Variants in DMXL1 observed in about 807,000 individuals in gnomAD.
DMXL1 encodes dmX-like protein 1.
Under a neutral mutation model 319.2 loss-of-function variants are expected in DMXL1, and 99 were observed. The ratio of observed to expected loss-of-function variants is 0.31; its 90% CI spans 0.26 to 0.37. DMXL1 has a LOEUF of 0.37. Among genes scored for constraint, DMXL1 ranks in the 10% least tolerant of loss-of-function variants. DMXL1 has a pLI of 1.00. For synonymous variants in DMXL1, 1,385 were observed against 1,235.2 expected (o/e 1.12, Z -2.54); for missense variants, 3,745 against 3,595.6 (o/e 1.04, Z -1.06).
intron 13 of DMXL1, among the ~76,000 whole-genome samples, chr5:119,140,183 C>G (rs1423975876): frequency 6.6e-6 from 1 of 152,006 alleles, no homozygotes; most frequent in Non-Finnish European, 1.5e-5. Context: ...AGATCTCAAA[C>G]TAATAACCTA....
chr5:119,167,932 T>G, intron 23 of DMXL1, 68 bp downstream of exon 23: 1 of 1,453,302 alleles, frequency 6.9e-7, no homozygotes, highest in Non-Finnish European at 9.3e-7. Flanking sequence ...TGCAGATCAC[T>G]CTATTAGGTG....
At chr5:119,141,968 A>T (rs941325924) in intron 13 of DMXL1, among the ~76,000 whole-genome samples, 2 of 152,196 alleles carry the variant, frequency 1.3e-5, no homozygotes, top group African/African-American at 4.8e-5. Flanking sequence ...CCACACACCT[A>T]CAACTGTCTG....
At chr5:119,146,486 C>G (rs1377914631) in intron 15 of DMXL1, among the ~76,000 whole-genome samples, 1 of 151,878 alleles carries the variant, frequency 6.6e-6, no homozygotes, top group Non-Finnish European at 1.5e-5. Context: ...ATGTTTGGCA[C>G]CACCATTTCA....
intron 10 of DMXL1, among the ~76,000 whole-genome samples, chr5:119,129,864 A>G (rs1293473787): frequency 3.3e-5 from 5 of 152,222 alleles, no homozygotes; most frequent in African/African-American, 7.2e-5. Context: ...TTCAGTTGGT[A>G]TAGAGAGAGA....
In DMXL1 at chr5:119,116,233, G is replaced by C. The variant is rs760544590; in HGVS notation, c.640G>C (p.Glu214Gln). 37 of 1,613,844 alleles carry C rather than the reference G, an allele frequency of 2.3e-5. No individual in the cohort carries two copies. The highest frequency in any genetic ancestry group is 3.1e-5 in the Non-Finnish European group (36 of 1,179,974). ...TAVTSPDGSSEKQSQGEIDFS... is the reference protein window; with the variant it reads ...TAVTSPDGSSQKQSQGEIDFS... ...TGTTACTTCTCCAGATGGAAGTTCA[G>C]AAAAACAATCCCAAGGAGAAATTGA... The change falls in exon 7 of 44, where the codon GAA (glutamate) becomes CAA (glutamine). Residue 214 changes from glutamate to glutamine, a missense_variant. By Grantham distance (29) the Glu-to-Gln change is conservative (BLOSUM62 2). This residue lies in a region of DMXL1 where 2,096 missense variants were observed against 1,985.4 expected (regional missense o/e 1.06). Coordinates refer to ENST00000539542, the MANE Select transcript of DMXL1 (RefSeq NM_001290321.3).
At chr5:119,230,114 A>G (rs188280234) in intron 38 of DMXL1, among the ~76,000 whole-genome samples, 224 of 152,330 alleles carry the variant, frequency 1.5e-3, no homozygotes, top group Middle Eastern at 3.4e-3. Flanking sequence ...ACACCAGACA[A>G]GGCCAGCCAT....
chr5:119,223,926 T>C (rs967760046), intron 37 of DMXL1, among the ~76,000 whole-genome samples: 2 of 152,164 alleles, frequency 1.3e-5, no homozygotes, highest in Non-Finnish European at 2.9e-5. Flanking sequence ...AAATATTTTC[T>C]TTATCCTTTC....
Position 119,149,030 on chromosome 5 carries a change from G to A in DMXL1, c.3203G>A (p.Ser1068Asn). 6.2e-7 allele frequency: 1 copy of A among 1,613,900 alleles called. No homozygotes were observed. The highest frequency in any genetic ancestry group is 8.5e-7 in the Non-Finnish European group (1 of 1,179,874). Reference protein sequence around the residue: ...AVAYKQPASNSRSSQDFVMHV... With the variant: ...AVAYKQPASNNRSSQDFVMHV... ...GCTTATAAGCAGCCTGCATCTAATAGTAGATCTTCCCAGGACTTTGTGATG... is the reference window on the plus strand; with the variant it reads ...GCTTATAAGCAGCCTGCATCTAATAATAGATCTTCCCAGGACTTTGTGATG... The change falls in exon 18 of 44, where the codon AGT (serine) becomes AAT (asparagine). Residue 1068 changes from serine to asparagine, a missense_variant. Physicochemically the swap from Ser to Asn is conservative, Grantham distance 46. Around this residue, in one of 4 missense-constraint regions of DMXL1, gnomAD observed 2,096 missense variants for 1,985.4 expected, o/e 1.06. Coordinates refer to ENST00000539542, the MANE Select transcript of DMXL1 (RefSeq NM_001290321.3).
At position 119,095,055 on chromosome 5, in the gene DMXL1, A is replaced by G. The variant is rs149804952; in HGVS notation, c.88-2924A>G. On this transcript the variant is annotated intron_variant, in intron 1 of 43. Coordinates refer to ENST00000539542, the MANE Select transcript of DMXL1 (RefSeq NM_001290321.3). ...TGTTTTCTGTAGAGCTGGTTTTGCCATGTTGCCCAAGCTAGTCTTTAACTC... is the reference window on the plus strand; with the variant it reads ...TGTTTTCTGTAGAGCTGGTTTTGCCGTGTTGCCCAAGCTAGTCTTTAACTC... 7.7e-3 allele frequency among the ~76,000 whole-genome samples: 1,172 copies of G among 152,088 alleles called. 3 individuals are homozygous for G. The highest frequency in any genetic ancestry group is 0.012 in the Non-Finnish European group (848 of 67,978).
intron 5 of DMXL1, 34 bp downstream of exon 5, chr5:119,110,317 C>T: frequency 6.7e-7 from 1 of 1,492,134 alleles, no homozygotes; most frequent in Non-Finnish European, 8.9e-7. Flanking sequence ...AACTGATAAA[C>T]CTGTTGTTCT....
intron 7 of DMXL1, among the ~76,000 whole-genome samples, chr5:119,118,330 T>C (rs1268046365): frequency 2.0e-5 from 3 of 152,228 alleles, no homozygotes; most frequent in Admixed American, 1.3e-4. Context: ...GCATATGATA[T>C]AATTCAAAGA....
rs1461206233 is a variant in DMXL1, at chr5:119,148,903, T to C, written c.3076T>C (p.Trp1026Arg). The C allele has an allele frequency of 2.5e-6, 4 of 1,613,738 alleles. No individual in the cohort carries two copies. Among genetic ancestry groups the C allele is most frequent in the African/African-American group, 1.3e-5 (1 of 74,904 alleles). ...TGATCTTGCATACATTTGGGAAGAATGGCCATTACTTATTGAAGATGGACT... is the reference window on the plus strand; with the variant it reads ...TGATCTTGCATACATTTGGGAAGAACGGCCATTACTTATTGAAGATGGACT... ...KIDLAYIWEEWPLLIEDGLQS... is the reference protein window; with the variant it reads ...KIDLAYIWEERPLLIEDGLQS... Residue 1026 changes from tryptophan to arginine, a missense_variant, in exon 18 of 44, where the codon TGG (tryptophan) becomes CGG (arginine). Transcript: ENST00000539542.
chr5:119,149,953 A>G lies in DMXL1; in HGVS notation c.4126A>G (p.Ile1376Val), dbSNP rs1769398465. 3.7e-6 allele frequency: 6 copies of G among 1,613,814 alleles called. No individual in the cohort carries two copies. Among genetic ancestry groups the G allele is most frequent in the East Asian group, 4.5e-5 (2 of 44,886 alleles). The change falls in exon 18 of 44, where the codon ATC becomes GTC. Residue 1376 changes from isoleucine (I) to valine (V), a missense_variant. Physicochemically the swap from Ile to Val is conservative, Grantham distance 29 (BLOSUM62 3). Transcript: ENST00000539542. Reference protein sequence around the residue: ...NHERRLRSLTISASGSTTRDP... With the variant: ...NHERRLRSLTVSASGSTTRDP... ...TGAACGCCGCCTTAGGTCTCTCACA[A>G]TCAGTGCTAGTGGAAGCACTACCAG... is the stretch of plus-strand genomic sequence containing the variant.
Position 119,233,491 on chromosome 5 carries a change from T to TA in DMXL1, c.8466+30dup, listed in dbSNP as rs768596822. On this transcript the variant is annotated intron_variant, in intron 39 of 43. Coordinates refer to ENST00000539542, the MANE Select transcript of DMXL1 (RefSeq NM_001290321.3). ...AGGTATTATATAAAAATGTAAATGG[T>TA]AAAAAATTTATTGTGTTGGAGGTTT... 62 of 1,594,930 alleles carry TA rather than the reference T, an allele frequency of 3.9e-5. No homozygotes were observed. The African/African-American group carries it at 7.5e-4, about 19-fold the overall frequency.
chr5:119,175,541 G>A (rs1325354620), intron 26 of DMXL1, among the ~76,000 whole-genome samples: 1 of 151,918 alleles, frequency 6.6e-6, no homozygotes. Context: ...AACTTATTTA[G>A]CAGCCTATTA....
chr5:119,238,247 G>GC (rs1268685350), intron 40 of DMXL1, among the ~76,000 whole-genome samples: 1 of 151,910 alleles, frequency 6.6e-6, no homozygotes, highest in African/African-American at 2.4e-5. Flanking sequence ...ACATCATCTA[G>GC]CCCAGCTCCA....
At chr5:119,130,150 A>T (rs1478212938) in intron 10 of DMXL1, among the ~76,000 whole-genome samples, 2 of 151,540 alleles carry the variant, frequency 1.3e-5, no homozygotes, top group Admixed American at 6.6e-5. Flanking sequence ...ATGGTTTATG[A>T]TCATTAGGTA....
intron 19 of DMXL1, among the ~76,000 whole-genome samples, chr5:119,163,996 C>T (rs1435144713): frequency 6.6e-6 from 1 of 152,148 alleles, no homozygotes; most frequent in Non-Finnish European, 1.5e-5. Context: ...ACAGCGTAAG[C>T]CACCGCACCC....
intron 35 of DMXL1, among the ~76,000 whole-genome samples, chr5:119,219,572 T>TATTA (rs1784304825): frequency 6.7e-6 from 1 of 150,176 alleles, no homozygotes; most frequent in South Asian, 2.1e-4. Flanking sequence ...TTAATTAATT[T>TATTA]ATTTATTTAT....
Sources: allele counts gnomAD v4.1 joint callset (sites outside exome capture counted in the v4.1 genomes callset), GRCh38; gene constraint gnomAD v4.1.1; regional missense constraint gnomAD v4.1.1; transcripts MANE v1.5; gene names NCBI Gene and HGNC (gene_info 2026-07-23, HGNC 2026-07-21).